The following UNC80 variants were observed in gnomAD, a reference collection of about 807,000 sequenced individuals.
The protein encoded by UNC80 is unc-80 subunit of NALCN channel complex.
In UNC80, 164 loss-of-function variants were observed where a neutral mutation model predicts 384.6. The ratio of observed to expected loss-of-function variants is 0.43; its 90% CI spans 0.38 to 0.49. The LOEUF is 0.49. UNC80 is among the 20% of genes least tolerant of loss of function. The probability of loss-of-function intolerance (pLI) is 0.00; values close to 1 mark genes in which losing one functional copy is unlikely to be tolerated. For missense variants in UNC80, 3,330 were observed against 4,143.0 expected (o/e 0.80, Z 5.39); for synonymous variants, 1,486 against 1,527.8 (o/e 0.97, Z 0.64).
Position 209,922,292 on chromosome 2 carries a change from G to C in UNC80, c.5571G>C (p.Val1857=), listed in dbSNP as rs2090097830. The change falls in exon 35 of 65, where the codon GTG becomes GTC. Residue 1857 remains valine (V), a synonymous_variant. Transcript: ENST00000673920. ...VTNLASRRLS[V]SPSCTSSTSH... Reference sequence around the variant, plus strand: ...ATCTGGCATCCCGTCGACTGTCTGTGAGTCCATCCTGCACCTCCAGCACTT... The same window carrying C: ...ATCTGGCATCCCGTCGACTGTCTGTCAGTCCATCCTGCACCTCCAGCACTT... 3.2e-6 allele frequency: 5 copies of C among 1,552,204 alleles called. No individual in the cohort carries two copies. The highest frequency in any genetic ancestry group is 2.0e-5 in the Admixed American group (1 of 51,000).
At chr2:209,799,757 G>A (rs891871233) in intron 7 of UNC80, among the ~76,000 whole-genome samples, 1 of 152,094 alleles carries the variant, frequency 6.6e-6, no homozygotes, top group Non-Finnish European at 1.5e-5. Flanking sequence ...CATTACCTAG[G>A]TATTGAGAAT....
At chr2:209,868,630 TC>T (rs1234777978) in intron 22 of UNC80, among the ~76,000 whole-genome samples, 1 of 152,106 alleles carries the variant, frequency 6.6e-6, no homozygotes, top group Non-Finnish European at 1.5e-5. Context: ...GGCAAAGAAG[TC>T]AAGGAAAGTA....
intron 25 of UNC80, among the ~76,000 whole-genome samples, chr2:209,886,251 G>A (rs1235013816): frequency 6.6e-6 from 1 of 151,030 alleles, no homozygotes; most frequent in Non-Finnish European, 1.5e-5. Context: ...TATATTTTTA[G>A]GTACTCCAAA....
intron 30 of UNC80, among the ~76,000 whole-genome samples, chr2:209,913,494 A>T (rs547465684): frequency 6.6e-6 from 1 of 152,172 alleles, no homozygotes; most frequent in Non-Finnish European, 1.5e-5. Context: ...TAACACAAAG[A>T]TGTATTTCCT....
intron 7 of UNC80, among the ~76,000 whole-genome samples, chr2:209,812,807 G>A (rs1351375758): frequency 6.6e-6 from 1 of 152,026 alleles, no homozygotes; most frequent in Non-Finnish European, 1.5e-5. Context: ...TACATAGGAT[G>A]GTGTATTAAT....
Position 209,959,642 on chromosome 2 carries a change from G to C in UNC80, c.7740G>C (p.Leu2580Phe). 6.4e-7 allele frequency: 1 copy of C among 1,551,690 alleles called. No individual in the cohort carries two copies. Among genetic ancestry groups the C allele is most frequent in the Non-Finnish European group, 8.7e-7 (1 of 1,146,976 alleles). The change falls in exon 51 of 65, where the codon TTG becomes TTC. Residue 2580 changes from leucine to phenylalanine, a missense_variant. Leu to Phe is a conservative substitution (Grantham distance 22, BLOSUM62 0). Transcript: ENST00000673920. ...YKHCGPRLKILQNLAGEPRVI... is the reference protein window; with the variant it reads ...YKHCGPRLKIFQNLAGEPRVI... ...ACTGTGGGCCACGGCTGAAGATCTT[G>C]CAAAATCTGGCTGGGGAGCCTCGGG...
chr2:209,897,894 T>C (rs2086962006), intron 28 of UNC80, among the ~76,000 whole-genome samples: 1 of 152,210 alleles, frequency 6.6e-6, no homozygotes, highest in African/African-American at 2.4e-5. Context: ...ATTCAGTTTA[T>C]GTAATACAGC....
intron 30 of UNC80, among the ~76,000 whole-genome samples, chr2:209,913,098 T>C (rs2089137585): frequency 6.6e-6 from 1 of 152,186 alleles, no homozygotes; most frequent in Admixed American, 6.5e-5. Context: ...ACTAGACCTG[T>C]CCCAAGGAAT....
intron 5 of UNC80, among the ~76,000 whole-genome samples, chr2:209,788,182 C>A (rs566238186): frequency 6.6e-6 from 1 of 152,040 alleles, no homozygotes; most frequent in Admixed American, 6.6e-5. Context: ...TTTGGGAGGC[C>A]GAGGTGGGCG....
At position 209,937,475 on chromosome 2, in the gene UNC80, A is replaced by C. The variant is rs995300354; in HGVS notation, c.6364-54A>C. ...TCTTTGGGTAAAGAAGAAATGAGAA[A>C]AGATGTTTAATCTTTTGAACTCTTT... On this transcript the variant is annotated intron_variant, in intron 41 of 64. Coordinates refer to ENST00000673920, the MANE Select transcript of UNC80 (RefSeq NM_001371986.1). The C allele has an allele frequency of 2.5e-5, 33 of 1,327,976 alleles. No homozygotes were observed. The African/African-American group carries it at 3.1e-4, about 12-fold the overall frequency. The allele number at this position is 1,327,976 out of a possible 1,614,324, so 82.3% of individuals were successfully genotyped here. A position where few individuals can be genotyped will look rare whatever the true frequency, so the allele number is the denominator to read the frequency against.
intron 38 of UNC80, among the ~76,000 whole-genome samples, chr2:209,931,818 A>G (rs1006586345): frequency 6.6e-6 from 1 of 152,182 alleles, no homozygotes. Flanking sequence ...CTGGTTGGCA[A>G]AGGAAAAAAA....
rs2093487834 is a variant in UNC80, at chr2:209,996,655, T to C, written c.*1060T>C. The C allele has an allele frequency of 6.6e-6, 1 of 152,234 alleles. No homozygotes were observed. The highest frequency in any genetic ancestry group is 2.4e-5 in the African/African-American group (1 of 41,464). The allele number at this position is 152,234 out of a possible 1,614,324, so 9.4% of individuals were successfully genotyped here. ...TTTCTTCATAGACACCTCCAGTTTATATATTTTGCAAATAGGCCTTTAACT... is the reference window on the plus strand; with the variant it reads ...TTTCTTCATAGACACCTCCAGTTTACATATTTTGCAAATAGGCCTTTAACT... On this transcript the variant is annotated 3_prime_UTR_variant, in exon 65 of 65. Coordinates refer to ENST00000673920, the MANE Select transcript of UNC80 (RefSeq NM_001371986.1).
At chr2:209,808,477 C>T (rs1199619709) in intron 7 of UNC80, among the ~76,000 whole-genome samples, 3 of 149,814 alleles carry the variant, frequency 2.0e-5, no homozygotes, top group Non-Finnish European at 3.0e-5. Flanking sequence ...GCAGGAGAAT[C>T]ACTTGAACCC....
intron 59 of UNC80, 143 bp downstream of exon 59, chr2:209,978,851 T>A: frequency 1.4e-6 from 1 of 728,042 alleles, no homozygotes; most frequent in Non-Finnish European, 2.0e-6. Context: ...GAAATGTGAC[T>A]GATTCCATGA....
rs1341590920 is a variant in UNC80, at chr2:209,881,080, A to G, written c.4096A>G (p.Thr1366Ala). Residue 1366 changes from threonine to alanine, a missense_variant, in exon 25 of 65, where the codon ACT becomes GCT. Thr to Ala is a moderately conservative substitution (Grantham distance 58, BLOSUM62 0). Around this residue, in one of 8 missense-constraint regions of UNC80, gnomAD observed 801 missense variants for 950.8 expected, o/e 0.84. Coordinates refer to ENST00000673920, the MANE Select transcript of UNC80 (RefSeq NM_001371986.1). ...ETFSCLPRPR[T>A]EPLVDLESCR... The stretch of plus-strand genomic sequence containing the variant: ...CTTTTCTTGCCTGCCCAGACCTCGC[A>G]CTGAGCCTCTGGTGGTAAGTTAAAG... 2 of 1,551,664 alleles carry G rather than the reference A, an allele frequency of 1.3e-6. No homozygotes were observed. Among genetic ancestry groups the G allele is most frequent in the East Asian group, 4.9e-5 (2 of 40,896 alleles).
intron 4 of UNC80, among the ~76,000 whole-genome samples, chr2:209,781,983 C>T (rs2077175803): frequency 6.6e-6 from 1 of 152,088 alleles, no homozygotes; most frequent in African/African-American, 2.4e-5. Flanking sequence ...CACAGAGTCC[C>T]ACTCATTTTT....
At chr2:209,954,920 G>T (rs1423015673) in intron 48 of UNC80, among the ~76,000 whole-genome samples, 3 of 152,124 alleles carry the variant, frequency 2.0e-5, no homozygotes, top group Non-Finnish European at 2.9e-5. Flanking sequence ...CAAGATGCTT[G>T]GGTGCCGAAG....
intron 61 of UNC80, among the ~76,000 whole-genome samples, chr2:209,988,486 A>G (rs1487886308): frequency 2.0e-5 from 3 of 152,208 alleles, no homozygotes; most frequent in South Asian, 4.1e-4. Context: ...TATCCTTTAT[A>G]CCTTATTTAT....
intron 7 of UNC80, among the ~76,000 whole-genome samples, chr2:209,798,748 G>T (rs1459249581): frequency 6.6e-6 from 1 of 150,498 alleles, no homozygotes; most frequent in African/African-American, 2.4e-5. Flanking sequence ...TGTGATCTTG[G>T]CTCACTGAAA....
Sources: allele counts gnomAD v4.1 joint callset (sites outside exome capture counted in the v4.1 genomes callset), GRCh38; gene constraint gnomAD v4.1.1; regional missense constraint gnomAD v4.1.1; transcripts MANE v1.5; gene names NCBI Gene and HGNC (gene_info 2026-07-23, HGNC 2026-07-21).